The following HERC3 variants were observed in gnomAD, a reference collection of about 807,000 sequenced individuals.
The protein encoded by HERC3 is probable E3 ubiquitin-protein ligase HERC3.
A neutral mutation model predicts 129.9 loss-of-function variants in HERC3; 58 were observed. That is an observed-to-expected ratio of 0.45 (90% CI 0.36 to 0.56). The LOEUF is 0.56. HERC3 is among the 20% of genes least tolerant of loss of function. The pLI is 0.00. For synonymous variants in HERC3, 430 were observed against 451.0 expected (o/e 0.95, Z 0.59); for missense variants, 835 against 1,244.2 (o/e 0.67, Z 4.95).
chr4:88,699,792 A>G (rs1477736482), intron 23 of HERC3, among the ~76,000 whole-genome samples: 1 of 152,222 alleles, frequency 6.6e-6, no homozygotes, highest in Non-Finnish European at 1.5e-5. Flanking sequence ...TCCTGTCTCA[A>G]CAGATCTTAA....
the HERC3 span, among the ~76,000 whole-genome samples, chr4:88,582,819 C>T: frequency 3.3e-5 from 5 of 152,154 alleles, no homozygotes; most frequent in African/African-American, 1.2e-4. Flanking sequence ...TCCCAGGCTA[C>T]TGTCTGTCCT....
chr4:88,686,287 A>C (rs1256027865), intron 21 of HERC3, among the ~76,000 whole-genome samples: 2 of 152,322 alleles, frequency 1.3e-5, no homozygotes, highest in Non-Finnish European at 2.9e-5. Flanking sequence ...TAAGCCACTA[A>C]GATTCCTGTG....
At position 88,707,212 on chromosome 4, in the gene HERC3, C is replaced by T; in HGVS notation, c.*252C>T. 2 of 487,612 alleles carry T rather than the reference C, an allele frequency of 4.1e-6. No individual in the cohort carries two copies. The highest frequency in any genetic ancestry group is 7.4e-6 in the Non-Finnish European group (2 of 269,424). The allele number at this position is 487,612 out of a possible 1,614,324, so 30.2% of individuals were successfully genotyped here. On this transcript the variant is annotated 3_prime_UTR_variant, in exon 26 of 26. Coordinates refer to ENST00000402738, the MANE Select transcript of HERC3 (RefSeq NM_014606.3). ...GTTTTTGTTTTTGTTTTAAACCAAACTACCCAGTATTCCTTGCACTTGTGA... is the reference window on the plus strand; with the variant it reads ...GTTTTTGTTTTTGTTTTAAACCAAATTACCCAGTATTCCTTGCACTTGTGA...
chr4:88,601,759 G>T (rs1399357341), intron 2 of HERC3, among the ~76,000 whole-genome samples: 1 of 143,920 alleles, frequency 6.9e-6, no homozygotes, highest in Non-Finnish European at 1.5e-5. Context: ...AGTATGATTA[G>T]AAAAGGATAT....
At chr4:88,566,411 C>T in the HERC3 span, among the ~76,000 whole-genome samples, 4 of 111,476 alleles carry the variant, frequency 3.6e-5, no homozygotes, top group Non-Finnish European at 6.4e-5. Context: ...TAACTTCCTT[C>T]CCCCCTTTGC....
intron 12 of HERC3, among the ~76,000 whole-genome samples, chr4:88,666,553 A>G (rs1181196883): frequency 6.6e-6 from 1 of 152,070 alleles, no homozygotes; most frequent in Non-Finnish European, 1.5e-5. Context: ...AATGTTAGAA[A>G]CTCTTATGTT....
At chr4:88,690,515 C>T in intron 23 of HERC3, 3 of 985,316 alleles carry the variant, frequency 3.0e-6, no homozygotes, top group Non-Finnish European at 3.6e-6. Context: ...ATGGGATAGG[C>T]AAGCATCCTG....
At chr4:88,647,604 A>G (rs1728831295) in intron 3 of HERC3, among the ~76,000 whole-genome samples, 1 of 152,180 alleles carries the variant, frequency 6.6e-6, no homozygotes, top group Non-Finnish European at 1.5e-5. Flanking sequence ...GAGGTTAAAG[A>G]AGATGGACAA....
intron 1 of HERC3, 118 bp from the exon 2 acceptor site, chr4:88,595,439 T>C (rs1722260467): frequency 6.6e-6 from 1 of 152,228 alleles, no homozygotes; most frequent in Admixed American, 6.5e-5. Context: ...TATTCAAGAT[T>C]GAGTAATTTA....
At chr4:88,565,252 T>G in the HERC3 span, among the ~76,000 whole-genome samples, 1 of 152,122 alleles carries the variant, frequency 6.6e-6, no homozygotes, top group Non-Finnish European at 1.5e-5. Flanking sequence ...ATTAGGTCCA[T>G]TTGGTCTACA....
At chr4:88,607,172 GGTGTGTGT>G (rs3036481) in intron 3 of HERC3, among the ~76,000 whole-genome samples, 4 of 149,726 alleles carry the variant, frequency 2.7e-5, no homozygotes, top group African/African-American at 9.8e-5. Context: ...GTAGCACTTT[GGTGTGTGT>G]GTGTGTGTGT....
intron 3 of HERC3, among the ~76,000 whole-genome samples, chr4:88,607,465 T>G (rs920626772): frequency 2.6e-5 from 4 of 152,100 alleles, no homozygotes; most frequent in Admixed American, 6.5e-5. Context: ...TTTCCACCTA[T>G]TTTTACATTT....
chr4:88,581,438 C>T, the HERC3 span, among the ~76,000 whole-genome samples: 1 of 151,154 alleles, frequency 6.6e-6, no homozygotes, highest in Non-Finnish European at 1.5e-5. Flanking sequence ...GCTGGGATTA[C>T]AGGTGCCCGC....
At chr4:88,623,121 G>A (rs1388954236) in intron 3 of HERC3, among the ~76,000 whole-genome samples, 1 of 152,156 alleles carries the variant, frequency 6.6e-6, no homozygotes, top group African/African-American at 2.4e-5. Flanking sequence ...AGTTTCTTAT[G>A]TAATGATGAA....
intron 1 of HERC3, 75 bp downstream of exon 1, chr4:88,592,649 C>G (rs1296578293): frequency 6.6e-6 from 1 of 152,316 alleles, no homozygotes; most frequent in Admixed American, 6.5e-5. Flanking sequence ...CGCGTTCCGC[C>G]TGGCACTGCA....
At chr4:88,635,975 G>A (rs752092104) in intron 3 of HERC3, among the ~76,000 whole-genome samples, 1 of 152,190 alleles carries the variant, frequency 6.6e-6, no homozygotes, top group Non-Finnish European at 1.5e-5. Flanking sequence ...CACCAGGACT[G>A]CCTTACAAGA....
At chr4:88,618,507 A>G (rs1009715216) in intron 3 of HERC3, among the ~76,000 whole-genome samples, 3 of 152,160 alleles carry the variant, frequency 2.0e-5, no homozygotes, top group African/African-American at 7.2e-5. Context: ...TTTCATATAG[A>G]GTGGAACTCA....
the HERC3 span, among the ~76,000 whole-genome samples, chr4:88,577,330 G>C: frequency 1.3e-5 from 2 of 152,082 alleles, no homozygotes; most frequent in African/African-American, 4.8e-5. Context: ...TTTTTTATTT[G>C]CTTAATCCTC....
chr4:88,673,287 G>T (rs1376915987), intron 16 of HERC3, among the ~76,000 whole-genome samples: 1 of 152,214 alleles, frequency 6.6e-6, no homozygotes, highest in Admixed American at 6.5e-5. Context: ...CAGGCACTAA[G>T]GCAGAGGAGG....
Sources: gnomAD v4.1 joint callset for allele counts (sites outside exome capture counted in the v4.1 genomes callset) on GRCh38, gnomAD v4.1.1 for gene constraint, MANE v1.5 for transcripts, NCBI Gene and HGNC (gene_info 2026-07-23, HGNC 2026-07-21) for gene names.